LRRC37A2: variants seen among roughly 807,000 people sequenced by gnomAD.
The protein encoded by LRRC37A2 is leucine rich repeat containing 37 member A2.
Under a neutral mutation model 68.8 loss-of-function variants are expected in LRRC37A2, and 9 were observed. The observed-to-expected ratio is 0.13, with a 90% CI of 0.08 to 0.23. LRRC37A2 has a LOEUF of 0.23. Ranked by LOEUF, LRRC37A2 falls within the 10% of genes least tolerant of loss-of-function variation. The pLI is 1.00. For missense variants in LRRC37A2, 168 were observed against 950.4 expected (o/e 0.18, Z 10.82); for synonymous variants, 63 against 367.6 (o/e 0.17, Z 9.48).
the LRRC37A2 span, among the ~76,000 whole-genome samples, chr17:46,981,708 T>G: frequency 6.6e-6 from 1 of 151,886 alleles, no homozygotes; most frequent in African/African-American, 2.4e-5. Context: ...ATTATTTTAT[T>G]TATTTATTTT....
chr17:46,999,093 C>T, the LRRC37A2 span, among the ~76,000 whole-genome samples: 3 of 152,044 alleles, frequency 2.0e-5, no homozygotes, highest in African/African-American at 7.2e-5. Flanking sequence ...CTGCTACCAA[C>T]ACCAACGAGT....
chr17:46,758,336 C>T, the LRRC37A2 span, among the ~76,000 whole-genome samples: 3 of 152,306 alleles, frequency 2.0e-5, no homozygotes, highest in South Asian at 6.2e-4. Flanking sequence ...GGGAGGAGGA[C>T]CCTGAGGCCG....
chr17:46,558,823 G>C (rs1379292509), downstream of LRRC37A2: 1 of 123,230 alleles, frequency 8.1e-6, no homozygotes, highest in African/African-American at 3.1e-5. Context: ...CAGAAAAAGG[G>C]ACCTCTTTTA....
chr17:46,855,440 G>A, the LRRC37A2 span, among the ~76,000 whole-genome samples: 2 of 152,168 alleles, frequency 1.3e-5, no homozygotes, highest in African/African-American at 2.4e-5. Flanking sequence ...GCTAGTCCTG[G>A]CTCTGGGACA....
the LRRC37A2 span, among the ~76,000 whole-genome samples, chr17:46,841,870 G>T: frequency 2.0e-5 from 3 of 152,254 alleles, no homozygotes; most frequent in Non-Finnish European, 4.4e-5. Context: ...GACCCCGCAG[G>T]GCCCTTCTTG....
At chr17:46,495,021 G>A in the LRRC37A2 span, among the ~76,000 whole-genome samples, 1 of 149,212 alleles carries the variant, frequency 6.7e-6, no homozygotes, top group Non-Finnish European at 1.5e-5. Flanking sequence ...CTATCTCCAT[G>A]AAATCAACTT....
chr17:46,734,714 CAT>C, the LRRC37A2 span, among the ~76,000 whole-genome samples: 1 of 151,914 alleles, frequency 6.6e-6, no homozygotes, highest in African/African-American at 2.4e-5. Flanking sequence ...TATTAAAGAA[CAT>C]ATATATATAG....
At chr17:46,905,079 CT>C in the LRRC37A2 span, among the ~76,000 whole-genome samples, 11 of 146,966 alleles carry the variant, frequency 7.5e-5, no homozygotes, top group Non-Finnish European at 9.1e-5. Context: ...CTTTTTTTTT[CT>C]TTTTTTTTTG....
At chr17:46,684,401 T>C in the LRRC37A2 span, among the ~76,000 whole-genome samples, 1 of 151,524 alleles carries the variant, frequency 6.6e-6, no homozygotes, top group Non-Finnish European at 1.5e-5. Context: ...AAGTCTTTGC[T>C]ATTGTGAACA....
At chr17:46,403,744 A>G in the LRRC37A2 span, among the ~76,000 whole-genome samples, 1 of 91,878 alleles carries the variant, frequency 1.1e-5, no homozygotes, top group Non-Finnish European at 2.5e-5. Context: ...TGTTGCCCAG[A>G]CTGGAGTACA....
chr17:46,759,047 A>G, the LRRC37A2 span, among the ~76,000 whole-genome samples: 2 of 152,206 alleles, frequency 1.3e-5, no homozygotes, highest in African/African-American at 4.8e-5. Flanking sequence ...TCTACTAAAA[A>G]TACACAATTA....
chr17:46,754,449 CT>C, the LRRC37A2 span, among the ~76,000 whole-genome samples: 2 of 152,168 alleles, frequency 1.3e-5, no homozygotes, highest in Non-Finnish European at 2.9e-5. Flanking sequence ...GGAGTTCCCT[CT>C]TGGGAAACAG....
chr17:46,876,313 C>G, the LRRC37A2 span: 1 of 1,614,200 alleles, frequency 6.2e-7, no homozygotes, highest in East Asian at 2.2e-5. Flanking sequence ...CCGTGCGCAC[C>G]TGCTGGAAGC....
the LRRC37A2 span, among the ~76,000 whole-genome samples, chr17:46,819,773 G>A: frequency 6.6e-6 from 1 of 152,258 alleles, no homozygotes; most frequent in Non-Finnish European, 1.5e-5. This position sits in a 1 kb window ranked among gnomAD's most constrained non-coding sequence, Gnocchi z 5.3. Context: ...AGTCCTTCCA[G>A]GCCCCCTTCG....
chr17:46,932,028 G>A, the LRRC37A2 span: 3 of 1,607,030 alleles, frequency 1.9e-6, no homozygotes, highest in Non-Finnish European at 2.6e-6. Flanking sequence ...CTGCTGCCCT[G>A]AGTTCCTGGA....
chr17:46,931,329 C>A, the LRRC37A2 span: 1 of 703,214 alleles, frequency 1.4e-6, no homozygotes, highest in Non-Finnish European at 2.6e-6. Flanking sequence ...TATGACTATG[C>A]AAAGAAAAAG....
At chr17:46,780,172 G>A in the LRRC37A2 span, among the ~76,000 whole-genome samples, 1 of 152,212 alleles carries the variant, frequency 6.6e-6, no homozygotes, top group African/African-American at 2.4e-5. Flanking sequence ...TGTACAGTGC[G>A]TCCTGCCTGA....
At chr17:46,883,409 A>G in the LRRC37A2 span, among the ~76,000 whole-genome samples, 2 of 150,614 alleles carry the variant, frequency 1.3e-5, no homozygotes, top group Admixed American at 1.3e-4. Context: ...CTCAGCCTAT[A>G]GAGTAGCTGG....
At chr17:46,550,623 C>T in intron 11 of LRRC37A2, 104 bp downstream of exon 10, 2 of 610,006 alleles carry the variant, frequency 3.3e-6, no homozygotes, top group Non-Finnish European at 6.1e-6. Context: ...CCTGCTGCTA[C>T]TTGACATACT....
Sources: gnomAD v4.1 joint callset for allele counts (sites outside exome capture counted in the v4.1 genomes callset) on GRCh38, gnomAD v4.1.1 for gene constraint, Gnocchi (gnomAD v3.1) non-coding constraint, MANE v1.5 for transcripts, NCBI Gene and HGNC (gene_info 2026-07-23, HGNC 2026-07-21) for gene names.